PARL: variants seen among roughly 807,000 people sequenced by gnomAD.
PARL encodes presenilin-associated rhomboid-like protein, mitochondrial.
Under a neutral mutation model 51.6 loss-of-function variants are expected in PARL, and 44 were observed. The observed-to-expected ratio is 0.85, with a 90% CI of 0.67 to 1.10. The LOEUF (loss-of-function observed/expected upper bound fraction) is 1.10, where lower values mean the gene tolerates loss of function less well. Ranked by LOEUF, PARL falls within the 50% of genes least tolerant of loss-of-function variation. The probability of loss-of-function intolerance (pLI) is 0.00; values close to 1 mark genes in which losing one functional copy is unlikely to be tolerated. For missense variants in PARL, 441 were observed against 469.5 expected, an observed-to-expected ratio of 0.94 and a Z score of 0.56; for synonymous variants, 172 against 164.0, an observed-to-expected ratio of 1.05 and a Z score of -0.37.
chr3:183,836,950 A>G (rs1728673284), intron 7 of PARL, among the ~76,000 whole-genome samples: 1 of 152,168 alleles, frequency 6.6e-6, no homozygotes, highest in South Asian at 2.1e-4. Flanking sequence ...CATGTTGGCC[A>G]GGCTGGTTTC....
intron 7 of PARL, among the ~76,000 whole-genome samples, chr3:183,835,796 C>T (rs1223871669): frequency 6.6e-6 from 1 of 152,108 alleles, no homozygotes. Flanking sequence ...GATTGAGCCA[C>T]TGTACTCCAG....
intron 1 of PARL, among the ~76,000 whole-genome samples, chr3:183,873,884 G>A (rs1383502575): frequency 6.6e-6 from 1 of 152,094 alleles, no homozygotes; most frequent in Non-Finnish European, 1.5e-5. Context: ...GACATTAAGA[G>A]TACATTACAC....
At chr3:183,865,711 A>G (rs114571988) in intron 3 of PARL, among the ~76,000 whole-genome samples, 3,441 of 152,194 alleles carry the variant, frequency 0.023, 131 homozygotes, top group African/African-American at 0.079. Context: ...AGTCCCTGGT[A>G]CCAAAAAGGT....
intron 4 of PARL, among the ~76,000 whole-genome samples, chr3:183,855,500 G>T (rs187671587): frequency 9.4e-4 from 143 of 152,188 alleles, no homozygotes; most frequent in South Asian, 4.8e-3. Flanking sequence ...CCGGTTTTGT[G>T]TTAGACAATT....
chr3:183,882,971 A>G (rs1243978817), intron 1 of PARL, among the ~76,000 whole-genome samples: 1 of 152,260 alleles, frequency 6.6e-6, no homozygotes, highest in Non-Finnish European at 1.5e-5. Flanking sequence ...ATTAACTTTA[A>G]GAACTTATTA....
In PARL at chr3:183,867,891, T is replaced by TGAG; in HGVS notation, c.292_294dup (p.Leu98dup). 1.2e-6 allele frequency: 2 copies of TGAG among 1,611,128 alleles called. No individual in the cohort carries two copies. Among genetic ancestry groups the TGAG allele is most frequent in the Non-Finnish European group, 1.7e-6 (2 of 1,177,556 alleles). On this transcript the variant is annotated inframe_insertion, in exon 2 of 10. Coordinates refer to ENST00000317096, the MANE Select transcript of PARL (RefSeq NM_018622.7). Reference sequence around the variant, plus strand: ...CCAACAGTAAAAAATAAAGGTTTTATGAGACTCCTTATAGGATAGGGAGAA... The same window carrying TGAG: ...CCAACAGTAAAAAATAAAGGTTTTATGAGGAGACTCCTTATAGGATAGGGAGAA...
At position 183,882,230 on chromosome 3, in the gene PARL, T is replaced by A. The variant is rs1734558737; in HGVS notation, c.125+2492A>T. Among the ~76,000 whole-genome samples the A allele has an allele frequency of 2.0e-3, 40 of 20,242 alleles. 2 individuals carry two copies. The highest frequency in any genetic ancestry group is 3.8e-3 in the African/African-American group (21 of 5,574). 13.3% of individuals were successfully genotyped at this position (20,242 alleles called of 152,430 possible). The stretch of plus-strand genomic sequence containing the variant: ...AAAAAAAAAAAAAAAAAAATATATA[T>A]ATATATATATATATTTATATATATA... On this transcript the variant is annotated intron_variant, in intron 1 of 9. Coordinates refer to ENST00000317096, the MANE Select transcript of PARL (RefSeq NM_018622.7).
chr3:183,854,777 C>T (rs963371574), intron 4 of PARL, among the ~76,000 whole-genome samples: 8 of 145,270 alleles, frequency 5.5e-5, no homozygotes, highest in African/African-American at 2.0e-4. Context: ...TACCATATGA[C>T]CCAGCAATTC....
chr3:183,833,497 A>T lies in PARL; in HGVS notation c.1023T>A (p.Phe341Leu). The change falls in exon 9 of 10, where the codon TTT (phenylalanine) becomes TTA (leucine). Residue 341 changes from phenylalanine (F) to leucine (L), a missense_variant. Coordinates refer to ENST00000317096, the MANE Select transcript of PARL (RefSeq NM_018622.7). ...DHAAHLGGAL[F>L]GIWYVTYGHE... ...TCAATTACACTCAAACTTACATTCC[A>T]AAAAGAGCTCCCCCAAGATGTGCCG... The T allele has an allele frequency of 6.2e-7, 1 of 1,602,326 alleles. No homozygotes were observed. Among genetic ancestry groups the T allele is most frequent in the Non-Finnish European group, 8.6e-7 (1 of 1,169,312 alleles).
downstream of PARL, among the ~76,000 whole-genome samples, chr3:183,829,119 GA>G (rs1198927221): frequency 2.0e-5 from 3 of 152,254 alleles, no homozygotes; most frequent in East Asian, 5.8e-4. Flanking sequence ...TACCTTTCCT[GA>G]AAATTGAGAA....
chr3:183,855,967 C>CA (rs199686416), intron 4 of PARL, among the ~76,000 whole-genome samples: 6,896 of 124,090 alleles, frequency 0.056, 201 homozygotes, highest in Middle Eastern at 0.077. Flanking sequence ...AAAAAATAAA[C>CA]AAACAAAAAA....
At chr3:183,867,103 G>A (rs528277756) in intron 2 of PARL, among the ~76,000 whole-genome samples, 2 of 152,070 alleles carry the variant, frequency 1.3e-5, no homozygotes, top group Non-Finnish European at 2.9e-5. Context: ...TAGTAGAGAC[G>A]GGGTTTCATC....
Position 183,833,534 on chromosome 3 carries a change from A to C in PARL, c.986T>G (p.Phe329Cys), listed in dbSNP as rs1360572625. ...CCCAAGATGTGCCGCATGATCAAAAAATTTCCATCCCAGGATCATTCCTGC... is the reference window on the plus strand; with the variant it reads ...CCCAAGATGTGCCGCATGATCAAAACATTTCCATCCCAGGATCATTCCTGC... ...DTAGMILGWK[F>C]FDHAAHLGGA... The change falls in exon 9 of 10, where the codon TTT becomes TGT. Residue 329 changes from phenylalanine to cysteine, a missense_variant. Physicochemically the swap from Phe to Cys is radical, Grantham distance 205 (BLOSUM62 -2). Coordinates refer to ENST00000317096, the MANE Select transcript of PARL (RefSeq NM_018622.7). 5.6e-6 allele frequency: 9 copies of C among 1,613,992 alleles called. No homozygotes were observed. In the Admixed American group the frequency reaches 1.0e-4, roughly 18 times the overall value.
chr3:183,860,553 T>C (rs1361570263), intron 4 of PARL, among the ~76,000 whole-genome samples: 1 of 152,204 alleles, frequency 6.6e-6, no homozygotes, highest in Non-Finnish European at 1.5e-5. Flanking sequence ...ACGCTCTTCA[T>C]GCCAAATGGC....
At chr3:183,883,894 T>C (rs866776498) in intron 1 of PARL, among the ~76,000 whole-genome samples, 1 of 152,228 alleles carries the variant, frequency 6.6e-6, no homozygotes, top group Non-Finnish European at 1.5e-5. Flanking sequence ...TCCGCCACAT[T>C]AGAGCCTCGA....
intron 1 of PARL, 105 bp from the exon 2 acceptor site, chr3:183,868,165 A>C: frequency 1.1e-5 from 9 of 830,478 alleles, no homozygotes; most frequent in Non-Finnish European, 1.8e-5. Flanking sequence ...ATTTATTCTC[A>C]CTCTACAGTC....
chr3:183,835,397 G>A (rs1728455968), intron 7 of PARL, among the ~76,000 whole-genome samples: 1 of 152,158 alleles, frequency 6.6e-6, no homozygotes, highest in South Asian at 2.1e-4. Flanking sequence ...GAGTCCCAGA[G>A]ATCTCAGATG....
At chr3:183,883,710 T>C (rs2056332) in intron 1 of PARL, 458,534 of 982,066 alleles carry the variant, frequency 0.47, 108,358 homozygotes, top group Middle Eastern at 0.57. Context: ...AGATACAATG[T>C]ATGTAAAGTT....
intron 4 of PARL, among the ~76,000 whole-genome samples, chr3:183,853,902 T>C (rs1398099176): frequency 1.8e-4 from 27 of 152,082 alleles, no homozygotes; most frequent in Non-Finnish European, 1.5e-5. Context: ...AAATTAAAAA[T>C]ACAATAACCA....
Sources: allele counts gnomAD v4.1 joint callset (sites outside exome capture counted in the v4.1 genomes callset), GRCh38; gene constraint gnomAD v4.1.1; transcripts MANE v1.5; gene names NCBI Gene and HGNC (gene_info 2026-07-23, HGNC 2026-07-21).